FBLIM1: variants seen among roughly 807,000 people sequenced by gnomAD.
FBLIM1 encodes filamin binding LIM protein 1.
Under a neutral mutation model 37.4 loss-of-function variants are expected in FBLIM1, and 29 were observed. The ratio of observed to expected loss-of-function variants is 0.77; its 90% CI spans 0.58 to 1.06. The LOEUF (loss-of-function observed/expected upper bound fraction) is 1.06, where lower values mean the gene tolerates loss of function less well. Among genes scored for constraint, FBLIM1 ranks in the 50% least tolerant of loss-of-function variants. The pLI is 0.00. For missense variants in FBLIM1, 449 were observed against 505.6 expected, an observed-to-expected ratio of 0.89 and a Z score of 1.07; for synonymous variants, 193 against 199.0, an observed-to-expected ratio of 0.97 and a Z score of 0.25.
chr1:15,764,724 G>A (rs1170095707), intron 2 of FBLIM1, 39 bp downstream of exon 2: 7 of 530,150 alleles, frequency 1.3e-5, no homozygotes, highest in Admixed American at 1.1e-4. Flanking sequence ...GTGCAGGTTC[G>A]GGGGAGGGGC....
chr1:15,760,531 G>GAAAAAA (rs34356141), intron 1 of FBLIM1, among the ~76,000 whole-genome samples: 10 of 97,602 alleles, frequency 1.0e-4, no homozygotes, highest in Admixed American at 2.3e-4. Flanking sequence ...TTCTGTCTCA[G>GAAAAAA]AAAAAAAAAA....
intron 6 of FBLIM1, among the ~76,000 whole-genome samples, chr1:15,771,800 G>C (rs2069228410): frequency 1.3e-5 from 2 of 151,672 alleles, no homozygotes; most frequent in Non-Finnish European, 2.9e-5. Flanking sequence ...GGATATCTTT[G>C]GGGGCATCTC....
chr1:15,784,553 C>A lies in FBLIM1; in HGVS notation c.1014C>A (p.Cys338Ter). 6.2e-7 allele frequency: 1 copy of A among 1,613,752 alleles called. No individual in the cohort carries two copies. Among genetic ancestry groups the A allele is most frequent in the Non-Finnish European group, 8.5e-7 (1 of 1,179,704 alleles). Residue 338 changes from cysteine to a stop codon, truncating the protein, a stop_gained, in exon 9 of 9, where the codon TGC (cysteine) becomes TGA (stop). Coordinates refer to ENST00000375766, the MANE Select transcript of FBLIM1 (RefSeq NM_017556.4). LOFTEE classifies it high-confidence loss of function. ...FHENCYRCED[C>*]RILLSVEPTD... Reference sequence around the variant, plus strand: ...ATGTGTCTTTGTCTCCCCAGGACTGCAGGATCCTCCTGTCTGTCGAGCCCA... The same window carrying A: ...ATGTGTCTTTGTCTCCCCAGGACTGAAGGATCCTCCTGTCTGTCGAGCCCA...
chr1:15,774,848 A>G (rs1227083834), intron 7 of FBLIM1, 52 bp downstream of exon 7: 1 of 1,613,774 alleles, frequency 6.2e-7, no homozygotes, highest in Admixed American at 1.7e-5. Context: ...GGCGAGACCC[A>G]AGCAGGGTGA....
chr1:15,759,619 C>T (rs1054383390), intron 1 of FBLIM1, among the ~76,000 whole-genome samples: 1 of 152,218 alleles, frequency 6.6e-6, no homozygotes, highest in Non-Finnish European at 1.5e-5. Context: ...CTCTTTGCAC[C>T]TTCCAAGGGC....
intron 8 of FBLIM1, 30 bp from the exon 9 acceptor site, chr1:15,784,518 G>T: frequency 6.3e-7 from 1 of 1,593,418 alleles, no homozygotes; most frequent in East Asian, 2.2e-5. Flanking sequence ...CAGGCCCAGG[G>T]CGGGTCAGCA....
chr1:15,759,899 C>T (rs1197165188), intron 1 of FBLIM1, among the ~76,000 whole-genome samples: 2 of 152,204 alleles, frequency 1.3e-5, no homozygotes, highest in Non-Finnish European at 2.9e-5. Flanking sequence ...TAATTCCGTA[C>T]CCAAAGGTAG....
chr1:15,763,409 G>A (rs539154125), intron 1 of FBLIM1, among the ~76,000 whole-genome samples: 72 of 151,574 alleles, frequency 4.8e-4, no homozygotes, highest in Non-Finnish European at 6.8e-4. Context: ...GAGGTGGGCG[G>A]ATCACGAGGT....
chr1:15,758,097 GA>G, upstream of FBLIM1: 1 of 152,412 alleles, frequency 6.6e-6, no homozygotes, highest in Non-Finnish European at 1.5e-5. The surrounding 1 kb of genome is among the most constrained non-coding windows in gnomAD (Gnocchi z 6.2). Context: ...AACACTCCCG[GA>G]AAAAGCCCCC....
At position 15,765,281 on chromosome 1, in the gene FBLIM1, G is replaced by C. The variant is rs750904245; in HGVS notation, c.250+48G>C. On this transcript the variant is annotated intron_variant, in intron 3 of 8. Coordinates refer to ENST00000375766, the MANE Select transcript of FBLIM1 (RefSeq NM_017556.4). The surrounding 1 kb of genome is among the most constrained non-coding windows in gnomAD (Gnocchi z 5.9). Reference sequence around the variant, plus strand: ...GGAAGACCACGTCAGAGGCAGAGGTGGGGAGGAAAGGGCAGGCTCCAGCGT... The same window carrying C: ...GGAAGACCACGTCAGAGGCAGAGGTCGGGAGGAAAGGGCAGGCTCCAGCGT... The C allele has an allele frequency of 6.4e-7, 1 of 1,559,366 alleles. No homozygotes were observed. Among genetic ancestry groups the C allele is most frequent in the Non-Finnish European group, 8.7e-7 (1 of 1,150,826 alleles).
In FBLIM1 at chr1:15,765,808, T is replaced by G. The variant is rs2068886790; in HGVS notation, c.250+575T>G. ...ACCCCCTTTCTGCCCACCTGCCCTG[T>G]GGCCTCGGGTCCCCCTGCTTCTCTC... On this transcript the variant is annotated intron_variant, in intron 3 of 8. Coordinates refer to ENST00000375766, the MANE Select transcript of FBLIM1 (RefSeq NM_017556.4). This position sits in a 1 kb window ranked among gnomAD's most constrained non-coding sequence, Gnocchi z 5.9. 1.3e-5 allele frequency among the ~76,000 whole-genome samples: 2 copies of G among 152,182 alleles called. No individual in the cohort carries two copies. Among genetic ancestry groups the G allele is most frequent in the South Asian group, 4.1e-4 (2 of 4,828 alleles).
At position 15,765,833 on chromosome 1, in the gene FBLIM1, C is replaced by T. The variant is rs2068887693; in HGVS notation, c.250+600C>T. Among the ~76,000 whole-genome samples, 1 of 152,216 alleles carries T rather than the reference C, an allele frequency of 6.6e-6. No homozygotes were observed. The highest frequency in any genetic ancestry group is 2.4e-5 in the African/African-American group (1 of 41,458). On this transcript the variant is annotated intron_variant, in intron 3 of 8. Transcript: ENST00000375766. This position sits in a 1 kb window ranked among gnomAD's most constrained non-coding sequence, Gnocchi z 5.9. ...TGGCCTCGGGTCCCCCTGCTTCTCT[C>T]TTGAATTCCTGCCCGCCCATCATAG...
intron 6 of FBLIM1, among the ~76,000 whole-genome samples, chr1:15,774,004 G>A (rs181284911): frequency 3.0e-4 from 45 of 151,980 alleles, no homozygotes; most frequent in Admixed American, 5.3e-4. Context: ...GCGTGGTGGC[G>A]CACACCTGTA....
At chr1:15,763,150 C>A (rs2068754730) in intron 1 of FBLIM1, among the ~76,000 whole-genome samples, 1 of 151,814 alleles carries the variant, frequency 6.6e-6, no homozygotes, top group South Asian at 2.1e-4. Flanking sequence ...CTCACTGCAA[C>A]CTCCACTCCC....
In FBLIM1 at chr1:15,774,691, T is replaced by C. The variant is rs774332954; in HGVS notation, c.785T>C (p.Phe262Ser). The C allele has an allele frequency of 1.9e-6, 3 of 1,614,098 alleles. No homozygotes were observed. Among genetic ancestry groups the C allele is most frequent in the Non-Finnish European group, 2.5e-6 (3 of 1,179,978 alleles). Residue 262 changes from phenylalanine (F) to serine (S), a missense_variant, in exon 7 of 9, where the codon TTC becomes TCC. Physicochemically the swap from Phe to Ser is radical, Grantham distance 155. Transcript: ENST00000375766. ...ATCATCAGGGCCCTGGGCCAGGCCT[T>C]CCACCCCTCCTGCTTCACGTGTGTG... ...DHIIRALGQAFHPSCFTCVTC... is the reference protein window; with the variant it reads ...DHIIRALGQASHPSCFTCVTC...
chr1:15,766,891 CTT>C (rs36087502), intron 3 of FBLIM1, among the ~76,000 whole-genome samples: 12 of 133,160 alleles, frequency 9.0e-5, no homozygotes, highest in Non-Finnish European at 9.4e-5. Context: ...CTGCACCCGG[CTT>C]TTTTTTTTTT....
Position 15,765,990 on chromosome 1 carries a change from G to GCAT in FBLIM1, c.250+760_250+762dup, listed in dbSNP as rs1338892898. ...TCTCACTTCCGCTGAGTCAGCAGCA[G>GCAT]CATCACCCGGGCCTGTACCAACACA... is the stretch of plus-strand genomic sequence containing the variant. On this transcript the variant is annotated intron_variant, in intron 3 of 8. Coordinates refer to ENST00000375766, the MANE Select transcript of FBLIM1 (RefSeq NM_017556.4). The surrounding 1 kb of genome is among the most constrained non-coding windows in gnomAD (Gnocchi z 5.9). Among the ~76,000 whole-genome samples, 2 of 152,202 alleles carry GCAT rather than the reference G, an allele frequency of 1.3e-5. No homozygotes were observed. Among genetic ancestry groups the GCAT allele is most frequent in the Non-Finnish European group, 2.9e-5 (2 of 68,048 alleles).
chr1:15,779,107 T>C (rs2069571051), intron 8 of FBLIM1, among the ~76,000 whole-genome samples: 1 of 151,874 alleles, frequency 6.6e-6, no homozygotes, highest in Admixed American at 6.6e-5. Flanking sequence ...GGCTAATTTT[T>C]GTATTTTTAG....
intron 8 of FBLIM1, among the ~76,000 whole-genome samples, chr1:15,779,303 T>C (rs1290086787): frequency 6.6e-6 from 1 of 151,948 alleles, no homozygotes; most frequent in Non-Finnish European, 1.5e-5. Context: ...TTTTATTAAA[T>C]TTTTATTTAT....
Sources: allele counts gnomAD v4.1 joint callset (sites outside exome capture counted in the v4.1 genomes callset), GRCh38; gene constraint gnomAD v4.1.1; non-coding constraint Gnocchi (gnomAD v3.1); transcripts MANE v1.5; gene names NCBI Gene and HGNC (gene_info 2026-07-23, HGNC 2026-07-21).